Variants in PLEKHH2 observed in about 807,000 individuals in gnomAD.
The protein encoded by PLEKHH2 is pleckstrin homology, MyTH4 and FERM domain containing H2.
In PLEKHH2, 129 loss-of-function variants were observed where a neutral mutation model predicts 187.9. The observed-to-expected ratio is 0.69, with a 90% CI of 0.59 to 0.79. The LOEUF is 0.79. Ranked by LOEUF, PLEKHH2 falls within the 30% of genes least tolerant of loss-of-function variation. The pLI, the probability that PLEKHH2 is intolerant of heterozygous loss-of-function variation, is 0.00. For synonymous variants in PLEKHH2, 686 were observed against 605.6 expected (o/e 1.13, Z -1.95); for missense variants, 2,076 against 1,751.2 (o/e 1.19, Z -3.31).
rs562465570 is a variant in PLEKHH2 at position 43,687,523 on chromosome 2, G to A, written c.187-4991G>A. On this transcript the variant is annotated intron_variant, in intron 3 of 29. Transcript: ENST00000282406. ...TGACTATATACCCAGTAACTGGATT[G>A]CTGGGTCAAATGGTACTTCTGTTTC... Among the ~76,000 whole-genome samples, 4 of 152,318 alleles carry A rather than the reference G, an allele frequency of 2.6e-5. No individual in the cohort carries two copies. The South Asian group carries it at 8.3e-4, about 32-fold the overall frequency.
intron 10 of PLEKHH2, 56 bp downstream of exon 10, chr2:43,706,472 A>G (rs1411645555): frequency 1.6e-6 from 2 of 1,258,250 alleles, no homozygotes; most frequent in Admixed American, 4.1e-5. Context: ...TGGATCAAGG[A>G]AATTGTTAAT....
Position 43,722,781 on chromosome 2 carries a change from G to A in PLEKHH2, c.2541+2032G>A, listed in dbSNP as rs139289495. 9.9e-3 allele frequency among the ~76,000 whole-genome samples: 1,507 copies of A among 152,214 alleles called. 34 individuals are homozygous for A. Among genetic ancestry groups the A allele is most frequent in the African/African-American group, 0.035 (1,441 of 41,534 alleles). ...CATACTTACCAAGTTTCTGTAATAA[G>A]CATGTGTTTTTATAAATAGAAAAAT... On this transcript the variant is annotated intron_variant, in intron 16 of 29. Transcript: ENST00000282406.
chr2:43,681,165 C>T (rs1668159016), intron 3 of PLEKHH2: 2 of 709,256 alleles, frequency 2.8e-6, no homozygotes, highest in East Asian at 2.5e-5. Flanking sequence ...CCACTCAGAA[C>T]ATCCTTTTGG....
At chr2:43,653,876 T>C (rs1232205045) in intron 2 of PLEKHH2, among the ~76,000 whole-genome samples, 1 of 152,230 alleles carries the variant, frequency 6.6e-6, no homozygotes, top group Non-Finnish European at 1.5e-5. Context: ...TTACATGGTT[T>C]TACATGGTTC....
chr2:43,695,315 T>C (rs956680277), intron 6 of PLEKHH2, 91 bp downstream of exon 6: 1 of 598,088 alleles, frequency 1.7e-6, no homozygotes, highest in African/African-American at 1.9e-5. Context: ...CGATTATGGA[T>C]GTCATCCAAG....
intron 16 of PLEKHH2, among the ~76,000 whole-genome samples, chr2:43,725,816 A>T (rs1208268291): frequency 6.6e-6 from 1 of 152,154 alleles, no homozygotes. Context: ...CATCATTTTT[A>T]AAAAGGTATG....
intron 22 of PLEKHH2, 109 bp downstream of exon 22, chr2:43,743,027 C>T (rs921892959): frequency 1.6e-5 from 13 of 814,496 alleles, no homozygotes; most frequent in African/African-American, 7.1e-5. Context: ...CAGTGACAAA[C>T]ATGCAAATAT....
chr2:43,649,850 G>A (rs1666378478), intron 2 of PLEKHH2, among the ~76,000 whole-genome samples: 1 of 152,156 alleles, frequency 6.6e-6, no homozygotes, highest in African/African-American at 2.4e-5. Context: ...CAGTGGGTGT[G>A]AAGGTCCTAA....
intron 2 of PLEKHH2, among the ~76,000 whole-genome samples, chr2:43,674,708 C>T (rs951822940): frequency 6.6e-6 from 1 of 152,030 alleles, no homozygotes; most frequent in Non-Finnish European, 1.5e-5. Flanking sequence ...CATGGGGCTG[C>T]GTGTGGTGGG....
At chr2:43,671,568 A>G (rs927209038) in intron 2 of PLEKHH2, among the ~76,000 whole-genome samples, 1 of 152,190 alleles carries the variant, frequency 6.6e-6, no homozygotes, top group Admixed American at 6.5e-5. Context: ...AGGCTTTCCC[A>G]TTGAGTATGA....
At chr2:43,750,201 C>T (rs1671950611) in intron 24 of PLEKHH2, among the ~76,000 whole-genome samples, 2 of 152,076 alleles carry the variant, frequency 1.3e-5, no homozygotes, top group Admixed American at 6.6e-5. Flanking sequence ...GACCAGGCAC[C>T]GTGGCTCACG....
chr2:43,741,826 T>C (rs963322094), intron 21 of PLEKHH2, among the ~76,000 whole-genome samples: 2 of 152,150 alleles, frequency 1.3e-5, no homozygotes, highest in Admixed American at 1.3e-4. Context: ...TTGACAGGTG[T>C]TATCAATCTG....
intron 16 of PLEKHH2, 62 bp downstream of exon 16, chr2:43,720,811 T>C: frequency 1.3e-6 from 2 of 1,532,302 alleles, no homozygotes; most frequent in Non-Finnish European, 1.7e-6. Flanking sequence ...GCTTAAACTT[T>C]TCCTTTTCTC....
At chr2:43,714,447 A>G (rs1205193791) in intron 15 of PLEKHH2, among the ~76,000 whole-genome samples, 1 of 152,190 alleles carries the variant, frequency 6.6e-6, no homozygotes, top group African/African-American at 2.4e-5. Context: ...ATGAGAGAAC[A>G]GCTTCCCTCA....
At chr2:43,740,563 C>A (rs923899954) in intron 20 of PLEKHH2, among the ~76,000 whole-genome samples, 7 of 152,108 alleles carry the variant, frequency 4.6e-5, no homozygotes, top group African/African-American at 1.7e-4. Context: ...TGATTTAGGG[C>A]ATGTGTTTTC....
At chr2:43,730,975 G>A (rs986538536) in intron 18 of PLEKHH2, among the ~76,000 whole-genome samples, 2 of 152,092 alleles carry the variant, frequency 1.3e-5, no homozygotes, top group East Asian at 1.9e-4. Flanking sequence ...TTTAAGCAAC[G>A]TGATAGTGCC....
chr2:43,765,666 C>G lies in PLEKHH2; in HGVS notation c.*68C>G, dbSNP rs1273756970. On this transcript the variant is annotated 3_prime_UTR_variant, in exon 30 of 30. Coordinates refer to ENST00000282406, the MANE Select transcript of PLEKHH2 (RefSeq NM_172069.4). ...TGGCTGTATCAGCTCCCTACAAGTTCGTTTACACCTGGCAGCACGGCAGCC... is the reference window on the plus strand; with the variant it reads ...TGGCTGTATCAGCTCCCTACAAGTTGGTTTACACCTGGCAGCACGGCAGCC... 6.0e-6 allele frequency: 9 copies of G among 1,489,146 alleles called. No homozygotes were observed. In the East Asian group the frequency reaches 2.1e-4, roughly 35 times the overall value. The allele number at this position is 1,489,146 out of a possible 1,614,324, so 92.2% of individuals were successfully genotyped here. A position where few individuals can be genotyped will look rare whatever the true frequency, so the allele number is the denominator to read the frequency against.
chr2:43,706,578 T>C (rs1669668587), intron 10 of PLEKHH2, among the ~76,000 whole-genome samples, 162 bp downstream of exon 10: 1 of 152,146 alleles, frequency 6.6e-6, no homozygotes, highest in Non-Finnish European at 1.5e-5. Flanking sequence ...AAAGAAGGAA[T>C]GGAAAGGTCT....
chr2:43,689,643 G>T (rs1417020298), intron 3 of PLEKHH2, among the ~76,000 whole-genome samples: 1 of 152,196 alleles, frequency 6.6e-6, no homozygotes, highest in Non-Finnish European at 1.5e-5. Context: ...AATAGGATCA[G>T]TTGGTAAGTA....
Sources: gnomAD v4.1 joint callset for allele counts (sites outside exome capture counted in the v4.1 genomes callset) on GRCh38, gnomAD v4.1.1 for gene constraint, MANE v1.5 for transcripts, NCBI Gene and HGNC (gene_info 2026-07-23, HGNC 2026-07-21) for gene names.